The following ADK variants were observed in gnomAD, a reference collection of about 807,000 sequenced individuals.
ADK encodes adenosine kinase, also known as N6,N6-dimethyladenosine kinase.
In ADK, 24 loss-of-function variants were observed where a neutral mutation model predicts 44.7. The ratio of observed to expected loss-of-function variants is 0.54; its 90% CI spans 0.39 to 0.76. The LOEUF (loss-of-function observed/expected upper bound fraction) is 0.76, where lower values mean the gene tolerates loss of function less well. ADK is among the 30% of genes least tolerant of loss of function. ADK has a pLI of 0.00. For missense variants in ADK, 321 were observed against 425.1 expected, an observed-to-expected ratio of 0.76 and a Z score of 2.15; for synonymous variants, 128 against 142.6, an observed-to-expected ratio of 0.90 and a Z score of 0.73.
chr10:74,320,891 G>A (rs1005370327), intron 4 of ADK, among the ~76,000 whole-genome samples: 9 of 152,086 alleles, frequency 5.9e-5, no homozygotes, highest in African/African-American at 1.7e-4. Flanking sequence ...AGAGAGTGTC[G>A]AATATGCATC....
At chr10:74,542,878 T>A (rs1267092994) in intron 7 of ADK, among the ~76,000 whole-genome samples, 3 of 151,494 alleles carry the variant, frequency 2.0e-5, no homozygotes, top group African/African-American at 7.2e-5. Flanking sequence ...TTTTTAATTT[T>A]ATTTTAGTTA....
chr10:74,561,755 T>C (rs745614525), intron 7 of ADK, among the ~76,000 whole-genome samples: 2 of 152,180 alleles, frequency 1.3e-5, no homozygotes, highest in African/African-American at 4.8e-5. Context: ...GATGGAAGTA[T>C]GGAGGCTGGC....
intron 8 of ADK, among the ~76,000 whole-genome samples, chr10:74,592,294 AGT>A (rs1851752554): frequency 6.6e-6 from 1 of 152,118 alleles, no homozygotes; most frequent in African/African-American, 2.4e-5. Context: ...TTCAGACTGG[AGT>A]GTGTTTTTAA....
intron 4 of ADK, among the ~76,000 whole-genome samples, chr10:74,347,085 C>CTGGA (rs60823879): frequency 0.14 from 16,977 of 122,762 alleles, 1,336 homozygotes; most frequent in Middle Eastern, 0.19. Flanking sequence ...CCAGCCTGGG[C>CTGGA]GACAGAGCGA....
At chr10:74,294,914 G>A (rs1299505501) in intron 3 of ADK, among the ~76,000 whole-genome samples, 2 of 152,036 alleles carry the variant, frequency 1.3e-5, no homozygotes, top group African/African-American at 4.8e-5. Flanking sequence ...GGAGTGCAGT[G>A]ATGTGATCTC....
intron 3 of ADK, among the ~76,000 whole-genome samples, chr10:74,286,277 C>T (rs1211189072): frequency 6.6e-6 from 1 of 152,174 alleles, no homozygotes; most frequent in Non-Finnish European, 1.5e-5. Flanking sequence ...GTCTCAAACT[C>T]CTGGCCTAAA....
intron 3 of ADK, among the ~76,000 whole-genome samples, chr10:74,257,267 A>G (rs1845860883): frequency 6.6e-6 from 1 of 152,196 alleles, no homozygotes; most frequent in African/African-American, 2.4e-5. Context: ...CTGTATGCGC[A>G]AGTTTCGTAT....
At chr10:74,369,430 T>C (rs1202465595) in intron 4 of ADK, among the ~76,000 whole-genome samples, 1 of 152,244 alleles carries the variant, frequency 6.6e-6, no homozygotes, top group African/African-American at 2.4e-5. Context: ...GAAGTCTAAG[T>C]ATTTTTTTAT....
intron 9 of ADK, among the ~76,000 whole-genome samples, chr10:74,623,007 CAAAAACA>C (rs574812553): frequency 2.6e-3 from 398 of 152,080 alleles, no homozygotes; most frequent in Non-Finnish European, 4.8e-3. Context: ...AACTCCGTCT[CAAAAACA>C]AAAAACAAAA....
At position 74,384,665 on chromosome 10, in the gene ADK, C is replaced by T. The variant is rs868438181; in HGVS notation, c.274-9476C>T. On this transcript the variant is annotated intron_variant, in intron 4 of 10. Transcript: ENST00000539909. The stretch of plus-strand genomic sequence containing the variant: ...CAGCCTGGGTGACAGAGCAAGACTC[C>T]GTCTCAAAAAAATAAAAAATAAATA... Among the ~76,000 whole-genome samples, 5 of 151,502 alleles carry T rather than the reference C, an allele frequency of 3.3e-5. No homozygotes were observed. In the South Asian group the frequency reaches 6.3e-4, roughly 19 times the overall value.
intron 4 of ADK, among the ~76,000 whole-genome samples, chr10:74,323,559 ATTTTCTTTTC>A (rs1292279702): frequency 6.7e-6 from 1 of 149,606 alleles, no homozygotes; most frequent in African/African-American, 2.5e-5. Context: ...GTTTCACAAT[ATTTTCTTTTC>A]TTTTCTTTTT....
At chr10:74,412,458 A>C (rs1844217747) in intron 6 of ADK, among the ~76,000 whole-genome samples, 1 of 152,180 alleles carries the variant, frequency 6.6e-6, no homozygotes. Flanking sequence ...GTTCTTAATG[A>C]CAACTGGAAT....
intron 4 of ADK, among the ~76,000 whole-genome samples, chr10:74,375,839 T>A (rs1370555953): frequency 6.6e-6 from 1 of 152,224 alleles, no homozygotes; most frequent in Non-Finnish European, 1.5e-5. Context: ...AATAAGTGGC[T>A]GAATTTTCTA....
intron 1 of ADK, among the ~76,000 whole-genome samples, chr10:74,186,915 G>C (rs530531401): frequency 6.6e-6 from 1 of 152,290 alleles, no homozygotes; most frequent in African/African-American, 2.4e-5. Context: ...AAGTTGCTAT[G>C]AACATTTTTG....
At position 74,388,522 on chromosome 10, in the gene ADK, T is replaced by C. The variant is rs568614790; in HGVS notation, c.274-5619T>C. Among the ~76,000 whole-genome samples the C allele has an allele frequency of 2.0e-4, 31 of 152,276 alleles. 1 individual carries two copies. Among genetic ancestry groups the C allele is most frequent in the African/African-American group, 6.5e-4 (27 of 41,578 alleles). On this transcript the variant is annotated intron_variant, in intron 4 of 10. Transcript: ENST00000539909. ...AATATAGCTCTTCGTTTATATAAGT[T>C]GTTTTTTTTTCCTCAGCAGTCTTTT...
At chr10:74,665,779 G>GAGAGAGACAGAC (rs1449559030) in intron 9 of ADK, among the ~76,000 whole-genome samples, 11 of 139,020 alleles carry the variant, frequency 7.9e-5, no homozygotes, top group African/African-American at 3.0e-4. Flanking sequence ...GAGAGAGAGA[G>GAGAGAGACAGAC]AGACAGACAG....
intron 6 of ADK, among the ~76,000 whole-genome samples, chr10:74,484,901 A>C (rs1054425472): frequency 2.0e-5 from 3 of 152,218 alleles, no homozygotes; most frequent in African/African-American, 7.2e-5. Context: ...TTTCAGGTGA[A>C]TTATAGATCT....
chr10:74,248,617 G>T (rs1222744007), intron 3 of ADK, among the ~76,000 whole-genome samples: 1 of 152,142 alleles, frequency 6.6e-6, no homozygotes, highest in Non-Finnish European at 1.5e-5. Flanking sequence ...GCCTCCCAAA[G>T]TGCTGGGACT....
At chr10:74,565,727 C>CAAAAA (rs398014155) in intron 7 of ADK, among the ~76,000 whole-genome samples, 4 of 63,348 alleles carry the variant, frequency 6.3e-5, no homozygotes, top group African/African-American at 1.1e-4. Flanking sequence ...AACTCCGTCT[C>CAAAAA]AAAAAAAAAA....
Sources: gnomAD v4.1 joint callset for allele counts (sites outside exome capture counted in the v4.1 genomes callset) on GRCh38, gnomAD v4.1.1 for gene constraint, MANE v1.5 for transcripts, NCBI Gene and HGNC (gene_info 2026-07-23, HGNC 2026-07-21) for gene names.